Variants in SEPTIN14 observed in about 807,000 individuals in gnomAD.
SEPTIN14 encodes the protein septin 14.
SEPTIN14 carries 40 observed loss-of-function variants against 53.6 expected under a neutral mutation model. The ratio of observed to expected loss-of-function variants is 0.75; its 90% CI spans 0.58 to 0.97. SEPTIN14 has a LOEUF of 0.97. Ranked by LOEUF, SEPTIN14 falls within the 50% of genes least tolerant of loss-of-function variation. The probability of loss-of-function intolerance (pLI) is 0.00; values close to 1 mark genes in which losing one functional copy is unlikely to be tolerated. For missense variants in SEPTIN14, 471 were observed against 508.2 expected, an observed-to-expected ratio of 0.93 and a Z score of 0.70; for synonymous variants, 138 against 166.8, an observed-to-expected ratio of 0.83 and a Z score of 1.33.
intron 2 of SEPTIN14, among the ~76,000 whole-genome samples, chr7:55,860,553 T>C (rs10276685): frequency 0.077 from 11,661 of 152,224 alleles, 1,172 homozygotes; most frequent in African/African-American, 0.23. Context: ...TCCCAAAACA[T>C]AGAAATAATA....
chr7:55,817,460 TTA>T (rs1331094709), intron 7 of SEPTIN14, among the ~76,000 whole-genome samples: 40 of 146,558 alleles, frequency 2.7e-4, no homozygotes, highest in Non-Finnish European at 3.6e-4. Context: ...TAACAATATT[TTA>T]TATATATATA....
chr7:55,855,007 CTTTTTTT>C, intron 2 of SEPTIN14, among the ~76,000 whole-genome samples: 1 of 136,832 alleles, frequency 7.3e-6, no homozygotes, highest in East Asian at 2.1e-4. Context: ...AAGATCACAA[CTTTTTTT>C]TTTTTTTTTT....
At chr7:55,855,001 T>C (rs760018623) in intron 2 of SEPTIN14, among the ~76,000 whole-genome samples, 21 of 148,546 alleles carry the variant, frequency 1.4e-4, no homozygotes, top group Non-Finnish European at 2.4e-4. Context: ...TAAGGCAAGA[T>C]CACAACTTTT....
chr7:55,821,106 C>A (rs1788886242), intron 6 of SEPTIN14, among the ~76,000 whole-genome samples: 1 of 152,160 alleles, frequency 6.6e-6, no homozygotes, highest in Non-Finnish European at 1.5e-5. Context: ...CCCCATCTAC[C>A]TGTTTTTGAG....
intron 5 of SEPTIN14, among the ~76,000 whole-genome samples, chr7:55,840,270 C>T (rs917208345): frequency 6.6e-6 from 1 of 151,632 alleles, no homozygotes; most frequent in Non-Finnish European, 1.5e-5. Flanking sequence ...GGGTGGATCA[C>T]CTGAGGTCAA....
At chr7:55,829,609 C>T (rs1002703581) in intron 6 of SEPTIN14, among the ~76,000 whole-genome samples, 1 of 151,774 alleles carries the variant, frequency 6.6e-6, no homozygotes. Flanking sequence ...CCTCCCTGCT[C>T]GGATGTGGCT....
intron 6 of SEPTIN14, among the ~76,000 whole-genome samples, chr7:55,820,808 C>A (rs1788880552): frequency 6.6e-6 from 1 of 151,986 alleles, no homozygotes; most frequent in Non-Finnish European, 1.5e-5. Context: ...GGCATGGTGG[C>A]AGGCACATGT....
chr7:55,832,934 T>C (rs1238974762), intron 6 of SEPTIN14, among the ~76,000 whole-genome samples: 1 of 152,160 alleles, frequency 6.6e-6, no homozygotes, highest in East Asian at 1.9e-4. Flanking sequence ...ATGCAATATA[T>C]CTATTTGACA....
chr7:55,823,259 G>T (rs112816040), intron 6 of SEPTIN14, among the ~76,000 whole-genome samples: 4 of 152,080 alleles, frequency 2.6e-5, no homozygotes, highest in African/African-American at 7.2e-5. Context: ...CCCACCTTTG[G>T]GTGGTGCCTT....
chr7:55,830,214 C>G (rs1789076760), intron 6 of SEPTIN14, among the ~76,000 whole-genome samples: 2 of 148,816 alleles, frequency 1.3e-5, no homozygotes, highest in African/African-American at 4.9e-5. Flanking sequence ...TTTTTCTTTA[C>G]TCCAACTCAT....
At position 55,795,880 on chromosome 7, in the gene SEPTIN14, A is replaced by C. The variant is rs771815530; in HGVS notation, c.*33T>G. ...ATCTCACAGGAAGTTGCGATGTAGA[A>C]TGATAGGGCTCTCAGAATAGTAAGA... On this transcript the variant is annotated 3_prime_UTR_variant, in exon 10 of 10. Transcript: ENST00000388975. 2 of 1,468,198 alleles carry C rather than the reference A, an allele frequency of 1.4e-6. No homozygotes were observed. Among genetic ancestry groups the C allele is most frequent in the Non-Finnish European group, 1.9e-6 (2 of 1,065,930 alleles). 90.9% of individuals were successfully genotyped at this position (1,468,198 alleles called of 1,614,324 possible). A position where few individuals can be genotyped will look rare whatever the true frequency, so the allele number is the denominator to read the frequency against.
intron 5 of SEPTIN14, among the ~76,000 whole-genome samples, chr7:55,839,462 G>C (rs1789268808): frequency 6.6e-6 from 1 of 150,844 alleles, no homozygotes; most frequent in South Asian, 2.1e-4. Flanking sequence ...ACAGTGTATT[G>C]TTATAATTGT....
In SEPTIN14 at chr7:55,845,560, T is replaced by TA. The variant is rs1234257254; in HGVS notation, c.176-843dup. On this transcript the variant is annotated intron_variant, in intron 3 of 9. Transcript: ENST00000388975. Reference sequence around the variant, plus strand: ...AGAGTTAATTTCAAATGTCTCATCATAAAAAAATGATAAGTAAACCGGGTA... The same window carrying TA: ...AGAGTTAATTTCAAATGTCTCATCATAAAAAAAATGATAAGTAAACCGGGTA... 2.6e-5 allele frequency among the ~76,000 whole-genome samples: 4 copies of TA among 152,248 alleles called. No homozygotes were observed. In the East Asian group the frequency reaches 5.8e-4, roughly 22 times the overall value.
chr7:55,819,405 T>C (rs1401390456), intron 6 of SEPTIN14, among the ~76,000 whole-genome samples, 182 bp from the exon 7 acceptor site: 2 of 152,098 alleles, frequency 1.3e-5, no homozygotes, highest in African/African-American at 4.8e-5. Flanking sequence ...CTGGCTATCA[T>C]GGCGGAACCC....
chr7:55,813,153 T>C (rs1435340575), intron 7 of SEPTIN14, among the ~76,000 whole-genome samples: 4 of 152,094 alleles, frequency 2.6e-5, no homozygotes, highest in Non-Finnish European at 4.4e-5. Flanking sequence ...TTTCACCATA[T>C]TGGTCAGGCT....
chr7:55,836,620 C>T (rs1487253122), intron 5 of SEPTIN14, among the ~76,000 whole-genome samples: 1 of 152,054 alleles, frequency 6.6e-6, no homozygotes, highest in Non-Finnish European at 1.5e-5. Flanking sequence ...TGCCTGTAAT[C>T]CCAGCTACTC....
At chr7:55,822,006 A>G (rs1419374956) in intron 6 of SEPTIN14, among the ~76,000 whole-genome samples, 2 of 152,204 alleles carry the variant, frequency 1.3e-5, no homozygotes, top group African/African-American at 4.8e-5. Flanking sequence ...AAGCAAAAGC[A>G]GAAACCCCTG....
chr7:55,839,183 T>A (rs1308381148), intron 5 of SEPTIN14, among the ~76,000 whole-genome samples: 2 of 150,782 alleles, frequency 1.3e-5, no homozygotes, highest in Non-Finnish European at 3.0e-5. Flanking sequence ...AGGTTAGGAG[T>A]TTGAGAACAG....
chr7:55,851,291 A>G (rs1789510769), intron 2 of SEPTIN14, among the ~76,000 whole-genome samples: 1 of 152,080 alleles, frequency 6.6e-6, no homozygotes, highest in African/African-American at 2.4e-5. Flanking sequence ...AACTTTCCCT[A>G]TTAGCCCCTA....
Sources: gnomAD v4.1 joint callset for allele counts (sites outside exome capture counted in the v4.1 genomes callset) on GRCh38, gnomAD v4.1.1 for gene constraint, MANE v1.5 for transcripts, NCBI Gene and HGNC (gene_info 2026-07-23, HGNC 2026-07-21) for gene names.